The following CNTLN variants were observed in gnomAD, a reference collection of about 807,000 sequenced individuals.
CNTLN encodes the protein centlein, centrosomal protein.
CNTLN carries 212 observed loss-of-function variants against 180.0 expected under a neutral mutation model. The observed-to-expected ratio is 1.18, with a 90% CI of 1.05 to 1.32. The LOEUF (loss-of-function observed/expected upper bound fraction) is 1.32. Ranked by LOEUF, CNTLN falls within the 40% of genes most tolerant of loss-of-function variation. The pLI, the probability that CNTLN is intolerant of heterozygous loss-of-function variation, is 0.00. For synonymous variants in CNTLN, 722 were observed against 563.1 expected (o/e 1.28, Z -3.99); for missense variants, 2,095 against 1,610.9 (o/e 1.30, Z -5.14).
chr9:17,446,467 C>G (rs553700942), intron 18 of CNTLN, among the ~76,000 whole-genome samples: 2 of 152,256 alleles, frequency 1.3e-5, no homozygotes, highest in East Asian at 3.9e-4. Context: ...GCCTTTGACT[C>G]TATAACCCCC....
At chr9:17,392,916 A>G (rs1052211740) in intron 14 of CNTLN, among the ~76,000 whole-genome samples, 2 of 151,994 alleles carry the variant, frequency 1.3e-5, no homozygotes, top group Non-Finnish European at 2.9e-5. Context: ...GAAAGTGTTA[A>G]GAATATGTAT....
intron 23 of CNTLN, among the ~76,000 whole-genome samples, chr9:17,471,293 CTA>C (rs1379800438): frequency 6.6e-6 from 1 of 151,802 alleles, no homozygotes; most frequent in Non-Finnish European, 1.5e-5. Flanking sequence ...TTCGATGAAA[CTA>C]AAAATGACAT....
intron 18 of CNTLN, among the ~76,000 whole-genome samples, chr9:17,450,752 A>G (rs1269125270): frequency 6.6e-6 from 1 of 152,262 alleles, no homozygotes; most frequent in African/African-American, 2.4e-5. Context: ...ATAGTATATA[A>G]ATGAGTGATG....
At chr9:17,431,948 CTGA>C (rs1476407549) in intron 18 of CNTLN, among the ~76,000 whole-genome samples, 4 of 152,168 alleles carry the variant, frequency 2.6e-5, no homozygotes, top group Non-Finnish European at 4.4e-5. Context: ...CTTAGGGATA[CTGA>C]TAACTCTTCT....
At chr9:17,331,204 CAGAT>C (rs1820620791) in intron 9 of CNTLN, among the ~76,000 whole-genome samples, 1 of 151,648 alleles carries the variant, frequency 6.6e-6, no homozygotes, top group Non-Finnish European at 1.5e-5. Context: ...GTCTTTCAAT[CAGAT>C]ATGATGTTTA....
chr9:17,174,455 G>C (rs1344071705), intron 2 of CNTLN, among the ~76,000 whole-genome samples: 1 of 152,112 alleles, frequency 6.6e-6, no homozygotes, highest in African/African-American at 2.4e-5. Flanking sequence ...TAGCACTTTG[G>C]GAGGCCGAGG....
chr9:17,331,678 G>A (rs1820654164), intron 9 of CNTLN, among the ~76,000 whole-genome samples: 1 of 151,828 alleles, frequency 6.6e-6, no homozygotes, highest in African/African-American at 2.4e-5. Flanking sequence ...TGTTTCTGTG[G>A]TACTGTTATT....
intron 5 of CNTLN, among the ~76,000 whole-genome samples, chr9:17,239,962 T>C (rs963074697): frequency 7.9e-5 from 12 of 152,196 alleles, no homozygotes; most frequent in African/African-American, 2.7e-4. Flanking sequence ...TATTTTCATA[T>C]GAATTTTACA....
At chr9:17,295,868 C>G (rs1817867578) in intron 6 of CNTLN, among the ~76,000 whole-genome samples, 1 of 151,952 alleles carries the variant, frequency 6.6e-6, no homozygotes, top group Non-Finnish European at 1.5e-5. Context: ...AGAGCATGCC[C>G]AGAAAATACC....
At position 17,293,530 on chromosome 9, in the gene CNTLN, G is replaced by A. The variant is rs567718244; in HGVS notation, c.984-4660G>A. ...GTGAGGAGGGATGGGTTAGGGTTCC[G>A]CCTGAAGAGGCAGTCTGGCCATGAT... is the stretch of plus-strand genomic sequence containing the variant. On this transcript the variant is annotated intron_variant, in intron 6 of 25. Transcript: ENST00000380647. Among the ~76,000 whole-genome samples the A allele has an allele frequency of 4.6e-5, 7 of 152,322 alleles. No individual in the cohort carries two copies. In the East Asian group the frequency reaches 9.6e-4, roughly 21 times the overall value.
intron 3 of CNTLN, among the ~76,000 whole-genome samples, chr9:17,232,346 T>TA (rs1291699953): frequency 6.6e-6 from 1 of 152,120 alleles, no homozygotes; most frequent in African/African-American, 2.4e-5. Context: ...AATTTTATTA[T>TA]GCTTTTTAAT....
intron 15 of CNTLN, among the ~76,000 whole-genome samples, chr9:17,405,979 T>C (rs1827358295): frequency 1.3e-5 from 2 of 151,790 alleles, no homozygotes; most frequent in Non-Finnish European, 1.5e-5. Context: ...TTCTCCATGT[T>C]GGTCAGGCTC....
intron 5 of CNTLN, among the ~76,000 whole-genome samples, chr9:17,243,828 G>T (rs1346272685): frequency 2.6e-5 from 4 of 152,134 alleles, no homozygotes; most frequent in Non-Finnish European, 5.9e-5. Context: ...AGGTACATTT[G>T]TTCTGTAGTG....
intron 2 of CNTLN, among the ~76,000 whole-genome samples, chr9:17,185,373 A>C (rs994911081): frequency 1.3e-5 from 2 of 152,224 alleles, no homozygotes; most frequent in African/African-American, 4.8e-5. Context: ...ATTTACTTTC[A>C]AAGGGTTTAT....
chr9:17,298,035 A>G, intron 6 of CNTLN, among the ~76,000 whole-genome samples, 155 bp from the exon 7 acceptor site: 1 of 152,220 alleles, frequency 6.6e-6, no homozygotes, highest in Non-Finnish European at 1.5e-5. Flanking sequence ...GATAAATATT[A>G]AATATGTCAT....
At chr9:17,522,268 G>A in the CNTLN span, among the ~76,000 whole-genome samples, 120 of 152,220 alleles carry the variant, frequency 7.9e-4, 1 homozygote, top group East Asian at 7.5e-3. Flanking sequence ...ATTTAGGTGC[G>A]TAATGGGATG....
chr9:17,144,844 T>A (rs1044767295), intron 2 of CNTLN, among the ~76,000 whole-genome samples: 5 of 150,416 alleles, frequency 3.3e-5, no homozygotes, highest in African/African-American at 1.2e-4. Flanking sequence ...TTATTTTATT[T>A]TTTTTTTTGA....
chr9:17,157,038 A>G (rs1049024750), intron 2 of CNTLN, among the ~76,000 whole-genome samples: 12 of 152,238 alleles, frequency 7.9e-5, no homozygotes, highest in African/African-American at 2.7e-4. Context: ...AATGTTAGTG[A>G]TAACACTGTC....
chr9:17,525,095 G>T, the CNTLN span, among the ~76,000 whole-genome samples: 2 of 152,090 alleles, frequency 1.3e-5, no homozygotes, highest in African/African-American at 2.4e-5. Context: ...ATTTCATAAA[G>T]AACCCTATAT....
Sources: allele counts gnomAD v4.1 joint callset (sites outside exome capture counted in the v4.1 genomes callset), GRCh38; gene constraint gnomAD v4.1.1; transcripts MANE v1.5; gene names NCBI Gene and HGNC (gene_info 2026-07-23, HGNC 2026-07-21).